DTD1: variants seen among roughly 807,000 people sequenced by gnomAD.
DTD1 encodes the protein D-aminoacyl-tRNA deacylase 1, also known as D-tyrosyl-tRNA deacylase 1 homolog.
In DTD1, 13 loss-of-function variants were observed where a neutral mutation model predicts 25.6. That is an observed-to-expected ratio of 0.51 (90% confidence interval 0.33 to 0.81). The LOEUF (loss-of-function observed/expected upper bound fraction) is 0.81, where lower values mean the gene tolerates loss of function less well. Ranked by LOEUF, DTD1 falls within the 30% of genes least tolerant of loss-of-function variation. DTD1 has a pLI of 0.02. For synonymous variants in DTD1, 110 were observed against 103.6 expected (o/e 1.06, Z -0.37); for missense variants, 193 against 266.4 (o/e 0.72, Z 1.92).
At chr20:18,618,254 A>G (rs1208244526) in intron 3 of DTD1, among the ~76,000 whole-genome samples, 1 of 152,182 alleles carries the variant, frequency 6.6e-6, no homozygotes, top group Non-Finnish European at 1.5e-5. Context: ...TTGTAGTTTT[A>G]ATGCACAGAG....
intron 3 of DTD1, among the ~76,000 whole-genome samples, chr20:18,615,126 C>T (rs976715418): frequency 6.6e-6 from 1 of 151,918 alleles, no homozygotes; most frequent in African/African-American, 2.4e-5. Flanking sequence ...GTGGCACAGC[C>T]TCACTTCTGT....
intron 4 of DTD1, 146 bp from the exon 5 acceptor site, chr20:18,743,954 A>T (rs1300582052): frequency 1.7e-5 from 13 of 751,986 alleles, no homozygotes; most frequent in Non-Finnish European, 2.7e-5. Flanking sequence ...TCTGTGTATA[A>T]TTTGGTATAT....
At chr20:18,639,551 T>C (rs1023536355) in intron 4 of DTD1, among the ~76,000 whole-genome samples, 2 of 152,024 alleles carry the variant, frequency 1.3e-5, no homozygotes, top group Non-Finnish European at 2.9e-5. Flanking sequence ...GTTGTCCTAC[T>C]GTGGGCTCCA....
At chr20:18,736,869 C>G (rs192863799) in intron 4 of DTD1, among the ~76,000 whole-genome samples, 1 of 152,378 alleles carries the variant, frequency 6.6e-6, no homozygotes, top group East Asian at 1.9e-4. Flanking sequence ...ATCTTGCAAA[C>G]AAAACCTGTC....
chr20:18,764,934 C>T lies in DTD1; in HGVS notation c.*1594C>T, dbSNP rs112495164. 3.3e-5 allele frequency: 5 copies of T among 152,332 alleles called. No individual in the cohort carries two copies. The highest frequency in any genetic ancestry group is 9.6e-5 in the African/African-American group (4 of 41,580). 9.4% of individuals were successfully genotyped at this position (152,332 alleles called of 1,614,324 possible). On this transcript the variant is annotated 3_prime_UTR_variant, in exon 6 of 6. Coordinates refer to ENST00000377452, the MANE Select transcript of DTD1 (RefSeq NM_080820.6). ...GCTGGATAACTGTCATGTTTCTCCACCACAGCATTTTATTGCCACCAATTA... is the reference window on the plus strand; with the variant it reads ...GCTGGATAACTGTCATGTTTCTCCATCACAGCATTTTATTGCCACCAATTA...
chr20:18,595,140 G>A (rs1449702677), intron 2 of DTD1, among the ~76,000 whole-genome samples: 3 of 152,204 alleles, frequency 2.0e-5, no homozygotes, highest in South Asian at 2.1e-4. Context: ...TTCTTCACAT[G>A]TATAGGGAAA....
chr20:18,730,212 G>A (rs1465760689), intron 4 of DTD1, among the ~76,000 whole-genome samples: 3 of 152,032 alleles, frequency 2.0e-5, no homozygotes, highest in Admixed American at 6.6e-5. Flanking sequence ...TCTTCTTATG[G>A]GTATTTAAGT....
chr20:18,620,743 G>A (rs2060730714), intron 3 of DTD1, among the ~76,000 whole-genome samples: 1 of 151,888 alleles, frequency 6.6e-6, no homozygotes, highest in African/African-American at 2.4e-5. Context: ...ATGAGCATGT[G>A]CCACCATACT....
At chr20:18,723,246 G>T (rs915475252) in intron 4 of DTD1, among the ~76,000 whole-genome samples, 30 of 152,220 alleles carry the variant, frequency 2.0e-4, no homozygotes, top group Non-Finnish European at 7.3e-5. Flanking sequence ...GACTGCCAGT[G>T]TCTAGAGGGG....
chr20:18,708,906 G>C (rs1458305774), intron 4 of DTD1, among the ~76,000 whole-genome samples: 1 of 152,070 alleles, frequency 6.6e-6, no homozygotes, highest in Non-Finnish European at 1.5e-5. Flanking sequence ...TCAAAATACA[G>C]GTGTTTTGTA....
chr20:18,675,822 A>ATGT (rs11471820), intron 4 of DTD1, among the ~76,000 whole-genome samples: 5 of 2,128 alleles, frequency 2.3e-3, no homozygotes, highest in African/African-American at 3.7e-3. Context: ...ACACACATAT[A>ATGT]TGTAAATATA....
chr20:18,751,918 C>T (rs2061322992), intron 5 of DTD1, among the ~76,000 whole-genome samples: 1 of 151,578 alleles, frequency 6.6e-6, no homozygotes, highest in Admixed American at 6.6e-5. Flanking sequence ...CTAGGAGCCT[C>T]ACAGCCCTAG....
At chr20:18,680,490 T>C (rs2060992893) in intron 4 of DTD1, among the ~76,000 whole-genome samples, 2 of 149,930 alleles carry the variant, frequency 1.3e-5, no homozygotes, top group Admixed American at 1.3e-4. Flanking sequence ...GATCCTCGCA[T>C]CTGGGCCTCC....
chr20:18,720,812 C>G (rs577065476), intron 4 of DTD1, among the ~76,000 whole-genome samples: 7 of 152,096 alleles, frequency 4.6e-5, no homozygotes, highest in Non-Finnish European at 1.0e-4. Flanking sequence ...GAGCCGAGAT[C>G]AAACCACTGC....
At chr20:18,741,140 A>G (rs1203735209) in intron 4 of DTD1, among the ~76,000 whole-genome samples, 1 of 152,184 alleles carries the variant, frequency 6.6e-6, no homozygotes, top group Non-Finnish European at 1.5e-5. Flanking sequence ...CTTACTTTTT[A>G]AAACTAAAAT....
intron 4 of DTD1, chr20:18,631,320 C>G: frequency 1.0e-6 from 1 of 984,822 alleles, no homozygotes; most frequent in Non-Finnish European, 1.2e-6. Flanking sequence ...GAGCATAAAA[C>G]GAAAGGTGGG....
At chr20:18,627,988 T>C in intron 3 of DTD1, 139 bp from the exon 4 acceptor site, 1 of 697,492 alleles carries the variant, frequency 1.4e-6, no homozygotes, top group Non-Finnish European at 2.3e-6. Flanking sequence ...TGTGAGTCCG[T>C]TAAACCTCTT....
intron 5 of DTD1, among the ~76,000 whole-genome samples, chr20:18,760,451 A>G (rs1600227649): frequency 6.6e-6 from 1 of 152,072 alleles, no homozygotes. Flanking sequence ...TTTCCTTCTA[A>G]TAGTCAGGAC....
intron 4 of DTD1, among the ~76,000 whole-genome samples, chr20:18,706,816 T>C (rs2061128276): frequency 6.6e-6 from 1 of 152,258 alleles, no homozygotes; most frequent in Non-Finnish European, 1.5e-5. Context: ...CCTGTCCTGG[T>C]ATTTAAGACT....
Sources: allele counts gnomAD v4.1 joint callset (sites outside exome capture counted in the v4.1 genomes callset), GRCh38; gene constraint gnomAD v4.1.1; transcripts MANE v1.5; gene names NCBI Gene and HGNC (gene_info 2026-07-23, HGNC 2026-07-21).